ARID1A: variants seen among roughly 807,000 people sequenced by gnomAD.
The protein encoded by ARID1A is AT-rich interactive domain-containing protein 1A.
A neutral mutation model predicts 212.6 loss-of-function variants in ARID1A; 20 were observed. The observed-to-expected ratio is 0.09, with a 90% confidence interval of 0.07 to 0.14. The LOEUF is 0.14. Ranked by LOEUF, ARID1A falls within the 10% of genes least tolerant of loss-of-function variation. The probability of loss-of-function intolerance (pLI) is 1.00; values close to 1 mark genes in which losing one functional copy is unlikely to be tolerated. For missense variants in ARID1A, 2,587 were observed against 3,059.0 expected, an observed-to-expected ratio of 0.85 and a Z score of 3.64; for synonymous variants, 1,376 against 1,222.1, an observed-to-expected ratio of 1.13 and a Z score of -2.63.
Position 26,766,325 on chromosome 1 carries a change from C to T in ARID1A, c.2837C>T (p.Pro946Leu), listed in dbSNP as rs2124080158. 2.5e-6 allele frequency: 4 copies of T among 1,614,168 alleles called. No individual in the cohort carries two copies. The highest frequency in any genetic ancestry group is 3.4e-6 in the Non-Finnish European group (4 of 1,180,034). ...GCTGGCATGATCAACCCTCAGGGAC[C>T]CCCATATTCCATGGGTGGAACCATG... Reference protein sequence around the residue: ...SMAGMINPQGPPYSMGGTMAN... With the variant: ...SMAGMINPQGLPYSMGGTMAN... The change falls in exon 9 of 20, where the codon CCC becomes CTC. Residue 946 changes from proline to leucine, a missense_variant. Physicochemically the swap from Pro to Leu is moderately conservative, Grantham distance 98. Transcript: ENST00000324856.
At chr1:26,776,868 G>T (rs2081141208) in intron 19 of ARID1A, among the ~76,000 whole-genome samples, 1 of 152,146 alleles carries the variant, frequency 6.6e-6, no homozygotes, top group Non-Finnish European at 1.5e-5. Flanking sequence ...TATCCTTGTT[G>T]AGGTTCACAT....
intron 19 of ARID1A, among the ~76,000 whole-genome samples, chr1:26,776,434 C>T (rs1010541928): frequency 5.3e-5 from 8 of 151,984 alleles, no homozygotes; most frequent in Non-Finnish European, 8.8e-5. Context: ...CCACCACGCT[C>T]GGCTAATTTT....
chr1:26,780,845 C>T lies in ARID1A; in HGVS notation c.*89C>T. On this transcript the variant is annotated 3_prime_UTR_variant, in exon 20 of 20. Transcript: ENST00000324856. This position sits in a 1 kb window ranked among gnomAD's most constrained non-coding sequence, Gnocchi z 7.2. ...GTTGCCCTTTATTTATGCAAAACCA[C>T]CTCAGAATCCAGTTTACCCTGTGCT... The T allele has an allele frequency of 6.8e-7, 1 of 1,472,164 alleles. No homozygotes were observed. The highest frequency in any genetic ancestry group is 9.1e-7 in the Non-Finnish European group (1 of 1,103,470). The allele number at this position is 1,472,164 out of a possible 1,614,324, so 91.2% of individuals were successfully genotyped here.
intron 4 of ARID1A, among the ~76,000 whole-genome samples, chr1:26,736,234 G>A (rs566484102): frequency 4.1e-4 from 60 of 145,360 alleles, no homozygotes; most frequent in African/African-American, 1.4e-3. Context: ...AGAGGCAAGA[G>A]AATCACTTTA....
chr1:26,697,730 T>A (rs189482268), intron 1 of ARID1A, among the ~76,000 whole-genome samples, 190 bp downstream of exon 1: 1 of 152,046 alleles, frequency 6.6e-6, no homozygotes, highest in Admixed American at 6.5e-5. Context: ...TCCTTCAGCC[T>A]TTGTGTTGGG....
At chr1:26,752,270 A>G (rs2080891480) in intron 4 of ARID1A, among the ~76,000 whole-genome samples, 1 of 152,224 alleles carries the variant, frequency 6.6e-6, no homozygotes, top group African/African-American at 2.4e-5. Flanking sequence ...TAACATCAGC[A>G]AGCCTGCTCT....
Position 26,773,690 on chromosome 1 carries a change from CGCAGCAGCAGCAGCA to C in ARID1A, c.3987_4001del (p.Gln1330_Gln1334del), listed in dbSNP as rs374564889. ...ATGTATTCTCCTAGCCGCTACCCCC[CGCAGCAGCAGCAGCA>C]GCAGCAGCAACGGTGAGTAAAGCCT... On this transcript the variant is annotated inframe_deletion, in exon 16 of 20. Coordinates refer to ENST00000324856, the MANE Select transcript of ARID1A (RefSeq NM_006015.6). 1 of 1,613,312 alleles carries C rather than the reference CGCAGCAGCAGCAGCA, an allele frequency of 6.2e-7. No homozygotes were observed. Among genetic ancestry groups the C allele is most frequent in the Non-Finnish European group, 8.5e-7 (1 of 1,179,570 alleles).
At chr1:26,736,777 C>T (rs1322401504) in intron 4 of ARID1A, among the ~76,000 whole-genome samples, 5 of 151,754 alleles carry the variant, frequency 3.3e-5, no homozygotes, top group African/African-American at 1.2e-4. Context: ...TGGTGCATAC[C>T]TGTAATCCCA....
chr1:26,755,234 C>T (rs553807183), intron 4 of ARID1A, among the ~76,000 whole-genome samples: 6 of 152,316 alleles, frequency 3.9e-5, no homozygotes, highest in African/African-American at 1.4e-4. Flanking sequence ...TGTAGTTAAT[C>T]GTAAATGATT....
chr1:26,712,963 C>T (rs1055469316), intron 1 of ARID1A, among the ~76,000 whole-genome samples: 2 of 152,224 alleles, frequency 1.3e-5, no homozygotes, highest in African/African-American at 4.8e-5. Flanking sequence ...CTGTCCTTCC[C>T]ATTAAAAACA....
At position 26,779,558 on chromosome 1, in the gene ARID1A, G is replaced by T. The variant is rs756198362; in HGVS notation, c.5660G>T (p.Gly1887Val). 6.2e-7 allele frequency: 1 copy of T among 1,614,096 alleles called. No individual in the cohort carries two copies. Among genetic ancestry groups the T allele is most frequent in the Non-Finnish European group, 8.5e-7 (1 of 1,180,024 alleles). Residue 1887 changes from glycine to valine, a missense_variant, in exon 20 of 20, where the codon GGT (glycine) becomes GTT (valine). Physicochemically the swap from Gly to Val is moderately radical, Grantham distance 109. Transcript: ENST00000324856. Reference protein sequence around the residue: ...APRKHVTTAEGTPGTTDQEGP... With the variant: ...APRKHVTTAEVTPGTTDQEGP... ...CGGAAGCATGTGACAACAGCAGAGGGTACACCAGGGACAACAGACCAGGAG... is the reference window on the plus strand; with the variant it reads ...CGGAAGCATGTGACAACAGCAGAGGTTACACCAGGGACAACAGACCAGGAG...
At chr1:26,706,540 T>C (rs914348736) in intron 1 of ARID1A, among the ~76,000 whole-genome samples, 5 of 152,198 alleles carry the variant, frequency 3.3e-5, no homozygotes, top group African/African-American at 1.2e-4. Flanking sequence ...AGCTGTTTAC[T>C]CTCAACTGCC....
intron 1 of ARID1A, among the ~76,000 whole-genome samples, chr1:26,710,488 A>ACACAC (rs1246047317): frequency 7.7e-5 from 1 of 13,060 alleles, no homozygotes; most frequent in African/African-American, 4.2e-4. Flanking sequence ...AAAATAAAAT[A>ACACAC]ATACATACAC....
At chr1:26,747,650 A>T (rs1033438095) in intron 4 of ARID1A, among the ~76,000 whole-genome samples, 3 of 145,554 alleles carry the variant, frequency 2.1e-5, no homozygotes, top group Non-Finnish European at 4.5e-5. Flanking sequence ...GGAGACCACC[A>T]CCCTGGGCAA....
intron 4 of ARID1A, among the ~76,000 whole-genome samples, chr1:26,756,844 G>T (rs1186456205): frequency 6.6e-6 from 1 of 151,488 alleles, no homozygotes; most frequent in African/African-American, 2.4e-5. Context: ...CTGGGACCAT[G>T]GGTGCCCGTC....
At chr1:26,756,860 G>A (rs528789220) in intron 4 of ARID1A, among the ~76,000 whole-genome samples, 4 of 151,788 alleles carry the variant, frequency 2.6e-5, no homozygotes, top group Non-Finnish European at 5.9e-5. Context: ...CCGTCACCAC[G>A]TCTGGCTAAT....
At chr1:26,778,895 C>T (rs533267311) in intron 19 of ARID1A, 128 bp from the exon 20 acceptor site, 7 of 921,086 alleles carry the variant, frequency 7.6e-6, no homozygotes, top group Non-Finnish European at 4.8e-6. Flanking sequence ...TGTGGAGAAC[C>T]TTTGGGAAAG....
intron 1 of ARID1A, among the ~76,000 whole-genome samples, chr1:26,709,110 G>A (rs1302541499): frequency 1.3e-5 from 2 of 152,152 alleles, no homozygotes; most frequent in Non-Finnish European, 2.9e-5. Context: ...TCTTAGGGCA[G>A]TATGACTTTA....
At position 26,772,896 on chromosome 1, in the gene ARID1A, C is replaced by T. The variant is rs2124107339; in HGVS notation, c.3624C>T (p.Asn1208=). The part of the protein sequence containing the change: ...TFQKRNSMTP[N]PGYQPSMNTS... ...AGAAGCGGAATTCCATGACTCCAAA[C>T]CCTGGGTATCAGCCCAGTATGAATA... The change falls in exon 14 of 20, where the codon AAC becomes AAT. Residue 1208 remains asparagine (N), a synonymous_variant. Transcript: ENST00000324856. The T allele has an allele frequency of 6.2e-7, 1 of 1,614,134 alleles. No individual in the cohort carries two copies. Among genetic ancestry groups the T allele is most frequent in the Non-Finnish European group, 8.5e-7 (1 of 1,180,024 alleles).
Sources: allele counts gnomAD v4.1 joint callset (sites outside exome capture counted in the v4.1 genomes callset), GRCh38; gene constraint gnomAD v4.1.1; non-coding constraint Gnocchi (gnomAD v3.1); transcripts MANE v1.5; gene names NCBI Gene and HGNC (gene_info 2026-07-23, HGNC 2026-07-21).